The following MIB1 variants were observed in gnomAD, a reference collection of about 807,000 sequenced individuals.
The protein encoded by MIB1 is MIB E3 ubiquitin protein ligase 1, also known as E3 ubiquitin-protein ligase MIB1.
MIB1 carries 278 observed loss-of-function variants against 124.5 expected under a neutral mutation model. The observed-to-expected ratio is 2.23, with a 90% CI of 2.02 to 2.47. The LOEUF is 2.47. Among genes scored for constraint, MIB1 ranks in the 30% most tolerant of loss-of-function variants. MIB1 has a pLI of 0.00. For missense variants in MIB1, 957 were observed against 1,254.4 expected (o/e 0.76, Z 3.58); for synonymous variants, 446 against 429.4 (o/e 1.04, Z -0.48).
chr18:21,717,501 C>T (rs1415816574), intron 1 of MIB1, among the ~76,000 whole-genome samples: 1 of 152,024 alleles, frequency 6.6e-6, no homozygotes, highest in Admixed American at 6.6e-5. Flanking sequence ...ATACATCTGA[C>T]AAAGGACTAA....
chr18:21,718,979 G>A (rs2040702125), intron 1 of MIB1, among the ~76,000 whole-genome samples: 1 of 151,992 alleles, frequency 6.6e-6, no homozygotes, highest in Non-Finnish European at 1.5e-5. Context: ...ACCCTAGGTC[G>A]GGAGTTTGAG....
chr18:21,770,428 T>TA (rs1421086674), intron 3 of MIB1, among the ~76,000 whole-genome samples: 7 of 152,196 alleles, frequency 4.6e-5, no homozygotes, highest in Non-Finnish European at 8.8e-5. Context: ...CTGGATGCTT[T>TA]ATCCCACTCC....
At position 21,724,730 on chromosome 18, in the gene MIB1, ATATATATATATATATATATAT is replaced by A. The variant is rs2040732826; in HGVS notation, n.167+19608_167+19628del. Among the ~76,000 whole-genome samples the A allele has an allele frequency of 1.4e-4, 6 of 41,398 alleles. 1 individual carries two copies. Among genetic ancestry groups the A allele is most frequent in the African/African-American group, 3.4e-4 (3 of 8,806 alleles). The allele number at this position is 41,398 out of a possible 152,430, so 27.2% of individuals were successfully genotyped here. A position where few individuals can be genotyped will look rare whatever the true frequency, so the allele number is the denominator to read the frequency against. On this transcript the variant is annotated intron_variant and non_coding_transcript_variant, in intron 1 of 20. Coordinates refer to the MIB1 transcript ENST00000578646. Reference sequence around the variant, plus strand: ...CCCCATCCAAAAAAAAAAAAAAAATATATATATATATATATATATATATATATATATATATATATATATTAG... The same window carrying A: ...CCCCATCCAAAAAAAAAAAAAAAATAATATATATATATATATATATATTAG...
In MIB1 at chr18:21,815,631, A is replaced by T; in HGVS notation, c.1495A>T (p.Arg499Ter). 6.2e-7 allele frequency: 1 copy of T among 1,613,338 alleles called. No individual in the cohort carries two copies. The highest frequency in any genetic ancestry group is 8.5e-7 in the Non-Finnish European group (1 of 1,179,240). The change falls in exon 11 of 21, where the codon AGA (arginine) becomes TGA (stop). Residue 499 changes from arginine to a stop codon, truncating the protein, a stop_gained. Coordinates refer to ENST00000261537, the MANE Select transcript of MIB1 (RefSeq NM_020774.4). LOFTEE classifies it high-confidence loss of function. Reference sequence around the variant, plus strand: ...TAATGATTAGGATAAAGATGGTGATAGAGCAGTTCACCATGCAGCTTTTGG... The same window carrying T: ...TAATGATTAGGATAAAGATGGTGATTGAGCAGTTCACCATGCAGCTTTTGG... ...DVEAEDKDGD[R>*]AVHHAAFGDE...
chr18:21,864,900 A>G lies in MIB1; in HGVS notation c.*234A>G. On this transcript the variant is annotated 3_prime_UTR_variant, in exon 21 of 21. Coordinates refer to ENST00000261537, the MANE Select transcript of MIB1 (RefSeq NM_020774.4). The stretch of plus-strand genomic sequence containing the variant: ...ATCAAATTCATGTAACTCATAGGAT[A>G]ATTTACCTTTGGCTTCTAAGAGGAA... 2.8e-6 allele frequency: 1 copy of G among 352,006 alleles called. No homozygotes were observed. The highest frequency in any genetic ancestry group is 4.5e-5 in the Admixed American group (1 of 22,440). 21.8% of individuals were successfully genotyped at this position (352,006 alleles called of 1,614,324 possible). A position where few individuals can be genotyped will look rare whatever the true frequency, so the allele number is the denominator to read the frequency against.
At chr18:21,777,279 C>T (rs1028280156) in intron 4 of MIB1, among the ~76,000 whole-genome samples, 5 of 151,544 alleles carry the variant, frequency 3.3e-5, no homozygotes, top group African/African-American at 9.7e-5. Flanking sequence ...ATTAGCCAGG[C>T]GTGGTGGTGC....
chr18:21,799,677 A>C (rs1411252385), intron 8 of MIB1, among the ~76,000 whole-genome samples, 164 bp from the exon 9 acceptor site: 1 of 152,086 alleles, frequency 6.6e-6, no homozygotes, highest in East Asian at 1.9e-4. Context: ...CATTTAATAC[A>C]GCTTTTTATA....
intron 5 of MIB1, 100 bp downstream of exon 5, chr18:21,778,269 A>C (rs1422646142): frequency 1.2e-6 from 1 of 828,560 alleles, no homozygotes; most frequent in Non-Finnish European, 1.9e-6. Context: ...ATTACCACTA[A>C]AGTTACTTAG....
intron 2 of MIB1, among the ~76,000 whole-genome samples, chr18:21,767,578 C>T (rs1275413500): frequency 6.6e-6 from 1 of 151,782 alleles, no homozygotes; most frequent in East Asian, 1.9e-4. Context: ...AATGGAGTCT[C>T]TCTCTGTTGC....
At chr18:21,753,002 T>C (rs1371703686) in intron 1 of MIB1, among the ~76,000 whole-genome samples, 3 of 151,970 alleles carry the variant, frequency 2.0e-5, no homozygotes, top group Non-Finnish European at 4.4e-5. Context: ...AGGGCTAACA[T>C]AGATACTGTG....
intron 7 of MIB1, 27 bp from the exon 8 acceptor site, chr18:21,798,057 A>G (rs201373805): frequency 5.6e-6 from 9 of 1,610,478 alleles, no homozygotes; most frequent in Middle Eastern, 3.3e-4. Flanking sequence ...TTAGACTTGG[A>G]AACATGAATC....
At chr18:21,767,744 TC>T (rs1180035479) in intron 2 of MIB1, among the ~76,000 whole-genome samples, 1 of 152,120 alleles carries the variant, frequency 6.6e-6, no homozygotes, top group East Asian at 1.9e-4. Flanking sequence ...AGACAGGGTT[TC>T]ACCGTGTTAG....
At chr18:21,781,990 T>C (rs1210296163) in intron 6 of MIB1, among the ~76,000 whole-genome samples, 1 of 152,158 alleles carries the variant, frequency 6.6e-6, no homozygotes, top group Non-Finnish European at 1.5e-5. Context: ...TCTCTTTTTA[T>C]TGTCTCAATT....
chr18:21,778,146 A>G lies in MIB1; in HGVS notation c.680A>G (p.Tyr227Cys). 7 of 1,610,864 alleles carry G rather than the reference A, an allele frequency of 4.3e-6. No homozygotes were observed. The highest frequency in any genetic ancestry group is 2.2e-5 in the South Asian group (2 of 91,022). ...CAGGATGCCAAGGGAGGTTCTTTCT[A>G]CAGAGATCACTGCCCTGTGCTAGGT... ...CVQDAKGGSF[Y>C]RDHCPVLGEQ... is the part of the protein sequence containing the mutation. Residue 227 changes from tyrosine (Y) to cysteine (C), a missense_variant, in exon 5 of 21, where the codon TAC becomes TGC. Physicochemically the swap from Tyr to Cys is radical, Grantham distance 194 (BLOSUM62 -2). Transcript: ENST00000261537.
At chr18:21,813,194 T>C (rs1598623211) in intron 10 of MIB1, among the ~76,000 whole-genome samples, 1 of 149,634 alleles carries the variant, frequency 6.7e-6, no homozygotes, top group African/African-American at 2.5e-5. Context: ...TAATGGAAGG[T>C]GAATCACAAA....
chr18:21,791,289 T>G, intron 6 of MIB1, 85 bp from the exon 7 acceptor site: 3 of 1,097,426 alleles, frequency 2.7e-6, no homozygotes, highest in Non-Finnish European at 3.9e-6. Flanking sequence ...AGGATTGCCT[T>G]ACTCTTTTGA....
At chr18:21,712,509 C>G (rs2040670182) in intron 1 of MIB1, among the ~76,000 whole-genome samples, 1 of 152,134 alleles carries the variant, frequency 6.6e-6, no homozygotes, top group African/African-American at 2.4e-5. Context: ...GTGAACTGCC[C>G]CAGAGAAAGC....
At chr18:21,821,883 G>A (rs537719217) in intron 12 of MIB1, among the ~76,000 whole-genome samples, 2 of 152,268 alleles carry the variant, frequency 1.3e-5, no homozygotes, top group African/African-American at 4.8e-5. Context: ...TTACAGGCGT[G>A]AGCCACCGCG....
chr18:21,818,847 A>G (rs2146478448), intron 11 of MIB1, among the ~76,000 whole-genome samples: 1 of 152,294 alleles, frequency 6.6e-6, no homozygotes, highest in East Asian at 1.9e-4. Context: ...AGGCAGGAGA[A>G]TCGCTTGAAA....
Sources: allele counts gnomAD v4.1 joint callset (sites outside exome capture counted in the v4.1 genomes callset), GRCh38; gene constraint gnomAD v4.1.1; transcripts MANE v1.5; gene names NCBI Gene and HGNC (gene_info 2026-07-23, HGNC 2026-07-21).